Variants in EIF5B observed in about 807,000 individuals in gnomAD.
EIF5B encodes eIF-5B.
EIF5B carries 47 observed loss-of-function variants against 147.5 expected under a neutral mutation model. That is an observed-to-expected ratio of 0.32 (90% CI 0.25 to 0.41). The LOEUF (loss-of-function observed/expected upper bound fraction) is 0.41, where lower values mean the gene tolerates loss of function less well. Ranked by LOEUF, EIF5B falls within the 10% of genes least tolerant of loss-of-function variation. The pLI, the probability that EIF5B is intolerant of heterozygous loss-of-function variation, is 1.00. For missense variants in EIF5B, 1,064 were observed against 1,413.2 expected (o/e 0.75, Z 3.96); for synonymous variants, 455 against 456.2 (o/e 1.00, Z 0.03).
chr2:99,382,826 G>A lies in EIF5B; in HGVS notation c.2176G>A (p.Val726Ile), dbSNP rs1249616865. ...CTCTCTTTGTGACATTGCCATTTTA[G>A]TTGTTGATATTATGCATGGTTTGGA... is the stretch of plus-strand genomic sequence containing the variant. The part of the protein sequence containing the change: ...GSSLCDIAIL[V>I]VDIMHGLEPQ... Residue 726 changes from valine to isoleucine, a missense_variant, in exon 14 of 24, where the codon GTT (valine) becomes ATT (isoleucine). This residue lies in a region of EIF5B where 380 missense variants were observed against 715.6 expected (regional missense o/e 0.53). Transcript: ENST00000289371. The A allele has an allele frequency of 6.2e-7, 1 of 1,610,666 alleles. No homozygotes were observed. Among genetic ancestry groups the A allele is most frequent in the Non-Finnish European group, 8.5e-7 (1 of 1,178,744 alleles).
chr2:99,338,977 TACAAATATATACACAA>T (rs2094251903), intron 1 of EIF5B, among the ~76,000 whole-genome samples: 2 of 138,648 alleles, frequency 1.4e-5, no homozygotes, highest in Non-Finnish European at 3.2e-5. Context: ...TATATATATA[TACAAATATATACACAA>T]ATATATATAT....
At chr2:99,372,580 C>T (rs533680641) in intron 9 of EIF5B, among the ~76,000 whole-genome samples, 3 of 152,298 alleles carry the variant, frequency 2.0e-5, no homozygotes, top group South Asian at 2.1e-4. Context: ...TCAGGTGATC[C>T]GCCCGCCTTG....
rs761912172 is a variant in EIF5B, at chr2:99,396,709, T to C, written c.3255-51T>C. On this transcript the variant is annotated intron_variant, in intron 21 of 23. Coordinates refer to ENST00000289371, the MANE Select transcript of EIF5B (RefSeq NM_015904.4). ...GATGTTCAGCTGCAGTTTTTCTTTT[T>C]ATGTTTAAGTGATTCTGTAAGCTTA... 12 of 1,540,292 alleles carry C rather than the reference T, an allele frequency of 7.8e-6. No individual in the cohort carries two copies. The East Asian group carries it at 1.8e-4, about 23-fold the overall frequency.
chr2:99,351,805 C>T (rs1471187762), intron 1 of EIF5B, among the ~76,000 whole-genome samples: 1 of 152,078 alleles, frequency 6.6e-6, no homozygotes. Context: ...TCAAGCAATT[C>T]TCTTGCCTCA....
chr2:99,357,961 T>A (rs565583654), intron 1 of EIF5B, among the ~76,000 whole-genome samples: 18 of 152,330 alleles, frequency 1.2e-4, no homozygotes, highest in African/African-American at 4.3e-4. Context: ...CTGGTGCAAG[T>A]CAGGTGCTCA....
At chr2:99,381,518 G>GGT (rs56686088) in intron 12 of EIF5B, among the ~76,000 whole-genome samples, 20,317 of 142,960 alleles carry the variant, frequency 0.14, 1,659 homozygotes, top group East Asian at 0.32. Flanking sequence ...ACAAAAAGGG[G>GGT]GTGTGTGTGT....
At chr2:99,397,682 G>C (rs997342619) in intron 22 of EIF5B, 5 of 152,256 alleles carry the variant, frequency 3.3e-5, no homozygotes, top group Non-Finnish European at 5.9e-5. Flanking sequence ...GAAAGTGCTA[G>C]ACGCCAACCA....
At chr2:99,383,004 A>G in intron 14 of EIF5B, 83 bp downstream of exon 14, 1 of 1,396,708 alleles carries the variant, frequency 7.2e-7, no homozygotes. Flanking sequence ...TAATTAACTT[A>G]CAAGCATAGC....
chr2:99,378,615 A>T (rs942543887), intron 10 of EIF5B, among the ~76,000 whole-genome samples: 5 of 152,216 alleles, frequency 3.3e-5, no homozygotes, highest in Non-Finnish European at 2.9e-5. Flanking sequence ...AATTTTTTAA[A>T]ATGTACAAGT....
Position 99,376,399 on chromosome 2 carries a change from G to A in EIF5B, c.1605G>A (p.Glu535=). 6.4e-7 allele frequency: 1 copy of A among 1,550,766 alleles called. No individual in the cohort carries two copies. Among genetic ancestry groups the A allele is most frequent in the South Asian group, 1.1e-5 (1 of 87,284 alleles). Reference sequence around the variant, plus strand: ...TAAAAGAAAACCCTGAAGAGGAGGAGGAGGAGGAAGAAGAGGAAGAAGAAG... The same window carrying A: ...TAAAAGAAAACCCTGAAGAGGAGGAAGAGGAGGAAGAAGAGGAAGAAGAAG... ...IEVKENPEEE[E]EEEEEEEEDE... is the part of the protein sequence containing the mutation. The change falls in exon 10 of 24, where the codon GAG becomes GAA. Residue 535 remains glutamate, a synonymous_variant. Transcript: ENST00000289371.
chr2:99,364,192 G>C, intron 5 of EIF5B, 79 bp from the exon 6 acceptor site: 1 of 1,488,206 alleles, frequency 6.7e-7, no homozygotes, highest in Non-Finnish European at 8.9e-7. Flanking sequence ...AGATTTATTT[G>C]AAGTTTGGAT....
intron 1 of EIF5B, among the ~76,000 whole-genome samples, chr2:99,339,006 A>T (rs887595288): frequency 7.3e-6 from 1 of 137,204 alleles, no homozygotes; most frequent in Non-Finnish European, 1.6e-5. Context: ...ATATATATAC[A>T]TTTTTTTTTT....
At chr2:99,348,864 G>T (rs2094278487) in intron 1 of EIF5B, among the ~76,000 whole-genome samples, 1 of 152,186 alleles carries the variant, frequency 6.6e-6, no homozygotes, top group Non-Finnish European at 1.5e-5. Flanking sequence ...TATTGATTAG[G>T]AATAGGAAGA....
rs371379515 is a variant in EIF5B at position 99,399,025 on chromosome 2, A to AT, written c.3555+117dup. 1.2e-4 allele frequency: 145 copies of AT among 1,248,018 alleles called. No homozygotes were observed. The African/African-American group carries it at 1.9e-3, about 16-fold the overall frequency. 77.3% of individuals were successfully genotyped at this position (1,248,018 alleles called of 1,614,324 possible). On this transcript the variant is annotated intron_variant, in intron 23 of 23. Transcript: ENST00000289371. Reference sequence around the variant, plus strand: ...TGATTGTAGAATCTGATGGGACTGGATCCCCCATTAGGGCTTGACCTCTAG... The same window carrying AT: ...TGATTGTAGAATCTGATGGGACTGGATTCCCCCATTAGGGCTTGACCTCTAG...
intron 7 of EIF5B, 102 bp from the exon 8 acceptor site, chr2:99,369,290 A>G: frequency 1.2e-6 from 1 of 811,564 alleles, no homozygotes; most frequent in Non-Finnish European, 1.8e-6. Flanking sequence ...ATAAAAAATA[A>G]ATAGGTTTAC....
intron 9 of EIF5B, among the ~76,000 whole-genome samples, chr2:99,373,617 G>C (rs1209651055): frequency 2.0e-5 from 3 of 152,100 alleles, no homozygotes; most frequent in Admixed American, 2.0e-4. Context: ...ATCACAGCTA[G>C]GATCTAGTTG....
intron 14 of EIF5B, among the ~76,000 whole-genome samples, chr2:99,386,479 G>A (rs1674810395): frequency 1.8e-5 from 1 of 54,238 alleles, no homozygotes; most frequent in African/African-American, 6.8e-5. Flanking sequence ...GTGTGTGTGT[G>A]TGTGTGTGTG....
chr2:99,342,894 A>G (rs1249491409), intron 1 of EIF5B, among the ~76,000 whole-genome samples: 1 of 151,820 alleles, frequency 6.6e-6, no homozygotes, highest in African/African-American at 2.4e-5. Flanking sequence ...TCAGCCTCTC[A>G]AAGTGTTGGG....
chr2:99,401,253 T>A lies in EIF5B; in HGVS notation c.*1839T>A. 1.2e-6 allele frequency: 2 copies of A among 1,604,378 alleles called. No individual in the cohort carries two copies. The highest frequency in any genetic ancestry group is 1.7e-6 in the Non-Finnish European group (2 of 1,171,180). On this transcript the variant is annotated 3_prime_UTR_variant, in exon 24 of 24. Coordinates refer to ENST00000289371, the MANE Select transcript of EIF5B (RefSeq NM_015904.4). ...TCTCTGGTAATATTTATGTAACTTT[T>A]AATGTGCTTCCATAAGTTTGTTGTA...
Sources: allele counts gnomAD v4.1 joint callset (sites outside exome capture counted in the v4.1 genomes callset), GRCh38; gene constraint gnomAD v4.1.1; regional missense constraint gnomAD v4.1.1; transcripts MANE v1.5; gene names NCBI Gene and HGNC (gene_info 2026-07-23, HGNC 2026-07-21).